The following TPX2 variants were observed in gnomAD, a reference collection of about 807,000 sequenced individuals.
TPX2 encodes the protein TPX2 microtubule nucleation factor, also known as targeting protein for Xklp2.
In TPX2, 21 loss-of-function variants were observed where a neutral mutation model predicts 93.6. The ratio of observed to expected loss-of-function variants is 0.22; its 90% CI spans 0.16 to 0.32. TPX2 has a LOEUF of 0.32. Among genes scored for constraint, TPX2 ranks in the 10% least tolerant of loss-of-function variants. The pLI is 1.00. For synonymous variants in TPX2, 281 were observed against 298.3 expected, an observed-to-expected ratio of 0.94 and a Z score of 0.60; for missense variants, 776 against 871.1, an observed-to-expected ratio of 0.89 and a Z score of 1.37.
At chr20:31,800,474 C>G (rs2062164075) in intron 17 of TPX2, among the ~76,000 whole-genome samples, 1 of 152,176 alleles carries the variant, frequency 6.6e-6, no homozygotes, top group Non-Finnish European at 1.5e-5. Flanking sequence ...TTAGACTACC[C>G]TAAAGGATGG....
chr20:31,767,796 CCCACCTATG>C (rs1352352079), intron 5 of TPX2, among the ~76,000 whole-genome samples: 1 of 152,140 alleles, frequency 6.6e-6, no homozygotes, highest in Non-Finnish European at 1.5e-5. Context: ...AAGCAATCCA[CCCACCTATG>C]CCTCCCAAAG....
At chr20:31,779,358 T>C (rs2062020044) in intron 10 of TPX2, among the ~76,000 whole-genome samples, 1 of 152,228 alleles carries the variant, frequency 6.6e-6, no homozygotes, top group African/African-American at 2.4e-5. Context: ...TATTCAGTGG[T>C]CCACCAAAAT....
chr20:31,788,556 T>C (rs2062081796), intron 12 of TPX2, among the ~76,000 whole-genome samples: 1 of 152,178 alleles, frequency 6.6e-6, no homozygotes, highest in Admixed American at 6.6e-5. Context: ...CCCCCAGTGC[T>C]GAAGCTGTTT....
At chr20:31,796,196 CT>C (rs2062137902) in intron 15 of TPX2, among the ~76,000 whole-genome samples, 1 of 152,196 alleles carries the variant, frequency 6.6e-6, no homozygotes, top group Non-Finnish European at 1.5e-5. Context: ...AACCCATCAC[CT>C]GGTTCTATAG....
chr20:31,779,523 CTG>C (rs1444413329), intron 10 of TPX2, among the ~76,000 whole-genome samples: 2 of 152,216 alleles, frequency 1.3e-5, no homozygotes, highest in Non-Finnish European at 2.9e-5. Flanking sequence ...CTATTTATCT[CTG>C]TCATTAGAGA....
rs149372089 is a variant in TPX2, at chr20:31,793,732, C to A, written c.1510-116C>A. On this transcript the variant is annotated intron_variant, in intron 13 of 17. Coordinates refer to ENST00000300403, the MANE Select transcript of TPX2 (RefSeq NM_012112.5). ...TGGATAGAAAAGGAAGCTAAGACTT[C>A]CTTTAATTTTGTTTTAATTAATGCC... The A allele has an allele frequency of 7.1e-5, 73 of 1,035,246 alleles. No individual in the cohort carries two copies. The Admixed American group carries it at 1.1e-3, about 15-fold the overall frequency. The allele number at this position is 1,035,246 out of a possible 1,614,324, so 64.1% of individuals were successfully genotyped here. A position where few individuals can be genotyped will look rare whatever the true frequency, so the allele number is the denominator to read the frequency against.
chr20:31,766,492 T>TGA, intron 4 of TPX2, 64 bp from the exon 5 acceptor site: 1 of 1,489,356 alleles, frequency 6.7e-7, no homozygotes, highest in East Asian at 2.3e-5. Context: ...TGTGTGTGTG[T>TGA]GTGTCTCATC....
chr20:31,752,806 G>A (rs1379733647), intron 2 of TPX2, among the ~76,000 whole-genome samples: 2 of 152,054 alleles, frequency 1.3e-5, no homozygotes. Context: ...AGTAGAGACG[G>A]GGTTTCACCA....
At chr20:31,760,251 G>A in intron 4 of TPX2, 72 bp downstream of exon 4, 5 of 1,573,074 alleles carry the variant, frequency 3.2e-6, no homozygotes, top group Non-Finnish European at 3.4e-6. Flanking sequence ...TGAGGTTCTG[G>A]GAAAATTACC....
intron 15 of TPX2, among the ~76,000 whole-genome samples, chr20:31,795,138 T>C (rs984493330): frequency 4.0e-5 from 6 of 151,320 alleles, no homozygotes; most frequent in Admixed American, 3.3e-4. Flanking sequence ...TTCAACTCTT[T>C]TTTTGTTTGG....
intron 4 of TPX2, among the ~76,000 whole-genome samples, chr20:31,761,726 ATATC>A (rs2061892260): frequency 6.6e-6 from 1 of 152,180 alleles, no homozygotes; most frequent in Non-Finnish European, 1.5e-5. Context: ...GTGCACATAG[ATATC>A]TCTTCGATGT....
chr20:31,741,899 G>A (rs867352866), intron 1 of TPX2, among the ~76,000 whole-genome samples: 1 of 152,122 alleles, frequency 6.6e-6, no homozygotes, highest in Non-Finnish European at 1.5e-5. Context: ...ACAGGTGTGA[G>A]CCACCTTGCC....
At position 31,739,499 on chromosome 20, in the gene TPX2, A is replaced by C. The variant is rs2061741684; in HGVS notation, c.-300A>C. The stretch of plus-strand genomic sequence containing the variant: ...CGGTTGCGGTGCTCGGTCGCCGCCT[A>C]GGCGGGGCAGGGTGCGAGCAGGGGC... On this transcript the variant is annotated 5_prime_UTR_variant, in exon 1 of 18. Coordinates refer to ENST00000300403, the MANE Select transcript of TPX2 (RefSeq NM_012112.5). The C allele has an allele frequency of 6.6e-6, 1 of 152,246 alleles. No individual in the cohort carries two copies. Among genetic ancestry groups the C allele is most frequent in the East Asian group, 1.9e-4 (1 of 5,182 alleles). The allele number at this position is 152,246 out of a possible 1,614,324, so 9.4% of individuals were successfully genotyped here.
chr20:31,758,182 G>A (rs2061863675), intron 3 of TPX2, among the ~76,000 whole-genome samples: 1 of 148,916 alleles, frequency 6.7e-6, no homozygotes, highest in Non-Finnish European at 1.5e-5. Context: ...GAGTGCAGTG[G>A]TACAATCTCA....
rs1468410294 is a variant in TPX2 at position 31,739,343 on chromosome 20, G to T, written c.-456G>T. Reference sequence around the variant, plus strand: ...GCTTCGTTGTCAGATCTGAGGCGAGGCTAGGTGAGCCGTGGGAAGAAAAGA... The same window carrying T: ...GCTTCGTTGTCAGATCTGAGGCGAGTCTAGGTGAGCCGTGGGAAGAAAAGA... On this transcript the variant is annotated 5_prime_UTR_variant, in exon 1 of 18. Coordinates refer to ENST00000300403, the MANE Select transcript of TPX2 (RefSeq NM_012112.5). 2 of 152,276 alleles carry T rather than the reference G, an allele frequency of 1.3e-5. No homozygotes were observed. The highest frequency in any genetic ancestry group is 2.9e-5 in the Non-Finnish European group (2 of 68,086). 9.4% of individuals were successfully genotyped at this position (152,276 alleles called of 1,614,324 possible). A position where few individuals can be genotyped will look rare whatever the true frequency, so the allele number is the denominator to read the frequency against.
intron 2 of TPX2, among the ~76,000 whole-genome samples, chr20:31,747,191 G>T (rs909993013): frequency 6.6e-6 from 1 of 152,136 alleles, no homozygotes; most frequent in African/African-American, 2.4e-5. Flanking sequence ...TGCAATCTCG[G>T]CTCACTGCAG....
chr20:31,760,017 T>C (rs1458882065), intron 3 of TPX2, 40 bp from the exon 4 acceptor site: 1 of 1,607,236 alleles, frequency 6.2e-7, no homozygotes, highest in Admixed American at 1.7e-5. Context: ...TTGTTTTGCT[T>C]CCTTGCTGAT....
rs13044019 is a variant in TPX2, at chr20:31,766,614, G to A, written c.288G>A (p.Pro96=). ...EKENLVEQSI[P]SNACSSLEVE... is the part of the protein sequence containing the mutation. The stretch of plus-strand genomic sequence containing the variant: ...AAAATCTTGTGGAACAATCCATTCC[G>A]TCAAATGCTTGTTCTTCCCTGGAAG... The change falls in exon 5 of 18, where the codon CCG becomes CCA. Residue 96 remains proline (P), a synonymous_variant. Transcript: ENST00000300403. 51,473 of 1,613,320 alleles carry A rather than the reference G, an allele frequency of 0.032. 1,017 individuals carry two copies. Among genetic ancestry groups the A allele is most frequent in the Non-Finnish European group, 0.038 (44,937 of 1,179,716 alleles).
At chr20:31,749,296 G>A (rs925746787) in intron 2 of TPX2, among the ~76,000 whole-genome samples, 2 of 152,166 alleles carry the variant, frequency 1.3e-5, no homozygotes, top group Non-Finnish European at 2.9e-5. Context: ...ACCACCTTCG[G>A]TGTCTATTCC....
Sources: allele counts gnomAD v4.1 joint callset (sites outside exome capture counted in the v4.1 genomes callset), GRCh38; gene constraint gnomAD v4.1.1; transcripts MANE v1.5; gene names NCBI Gene and HGNC (gene_info 2026-07-23, HGNC 2026-07-21).